The following EML4 variants were observed in gnomAD, a reference collection of about 807,000 sequenced individuals.
The protein encoded by EML4 is EMAP like 4.
In EML4, 72 loss-of-function variants were observed where a neutral mutation model predicts 129.0. The observed-to-expected ratio is 0.56, with a 90% CI of 0.46 to 0.68. The LOEUF is 0.68. Among genes scored for constraint, EML4 ranks in the 30% least tolerant of loss-of-function variants. The probability of loss-of-function intolerance (pLI) is 0.00; values close to 1 mark genes in which losing one functional copy is unlikely to be tolerated. For missense variants in EML4, 1,363 were observed against 1,190.6 expected (o/e 1.14, Z -2.13); for synonymous variants, 532 against 405.0 (o/e 1.31, Z -3.77).
At chr2:42,191,560 T>C (rs1417941547) in intron 1 of EML4, among the ~76,000 whole-genome samples, 1 of 152,162 alleles carries the variant, frequency 6.6e-6, no homozygotes, top group Non-Finnish European at 1.5e-5. Flanking sequence ...GTGGATAGTT[T>C]CTCAAATGAA....
intron 19 of EML4, among the ~76,000 whole-genome samples, chr2:42,321,388 TA>T (rs954913581): frequency 1.4e-4 from 21 of 150,144 alleles, no homozygotes; most frequent in Non-Finnish European, 3.0e-4. Flanking sequence ...TCTGAAAAAA[TA>T]AAAAAAAAGT....
chr2:42,257,525 C>A (rs191237252), intron 3 of EML4, among the ~76,000 whole-genome samples: 1 of 152,254 alleles, frequency 6.6e-6, no homozygotes, highest in Admixed American at 6.5e-5. Context: ...ATACCAAGAT[C>A]TTCAGCCCTT....
At chr2:42,259,883 C>G (rs1275792167) in intron 3 of EML4, among the ~76,000 whole-genome samples, 1 of 151,736 alleles carries the variant, frequency 6.6e-6, no homozygotes, top group Non-Finnish European at 1.5e-5. Flanking sequence ...GCGCCCACCA[C>G]CACACCCAGC....
intron 1 of EML4, among the ~76,000 whole-genome samples, chr2:42,177,581 C>G (rs866524759): frequency 1.3e-5 from 2 of 152,132 alleles, no homozygotes; most frequent in Admixed American, 6.5e-5. Flanking sequence ...GCAGATCACA[C>G]TACTGGGCTC....
Position 42,329,958 on chromosome 2 carries a change from A to G in EML4, c.2697A>G (p.Thr899=). The change falls in exon 23 of 23, where the codon ACA becomes ACG. Residue 899 remains threonine, a synonymous_variant. Transcript: ENST00000318522. Reference sequence around the variant, plus strand: ...GTGTCATCCAATCTAATACTCCCACACCGCCTCCTTCTCAGCCCTTAAATG... The same window carrying G: ...GTGTCATCCAATCTAATACTCCCACGCCGCCTCCTTCTCAGCCCTTAAATG... ...TESVIQSNTP[T]PPPSQPLNET... is the part of the protein sequence containing the mutation. 6.2e-7 allele frequency: 1 copy of G among 1,613,804 alleles called. No individual in the cohort carries two copies. The highest frequency in any genetic ancestry group is 8.5e-7 in the Non-Finnish European group (1 of 1,179,982).
At chr2:42,185,458 A>G (rs1671194580) in intron 1 of EML4, among the ~76,000 whole-genome samples, 1 of 152,194 alleles carries the variant, frequency 6.6e-6, no homozygotes, top group African/African-American at 2.4e-5. Flanking sequence ...CTGGTTTTTC[A>G]TAGAAAAAAG....
chr2:42,262,715 G>T (rs1317586084), intron 4 of EML4, among the ~76,000 whole-genome samples: 1 of 152,076 alleles, frequency 6.6e-6, no homozygotes, highest in East Asian at 1.9e-4. Context: ...TGTCCCTAAA[G>T]ATATAAACAA....
At chr2:42,209,073 A>G (rs1212734164) in intron 1 of EML4, among the ~76,000 whole-genome samples, 1 of 152,182 alleles carries the variant, frequency 6.6e-6, no homozygotes, top group Admixed American at 6.5e-5. Flanking sequence ...AAAATAAAGT[A>G]TTTAAACTGC....
At chr2:42,180,497 T>G (rs953036398) in intron 1 of EML4, among the ~76,000 whole-genome samples, 2 of 152,186 alleles carry the variant, frequency 1.3e-5, no homozygotes, top group Non-Finnish European at 2.9e-5. Flanking sequence ...GTGCCCTCAG[T>G]CCCTACCTTA....
intron 1 of EML4, among the ~76,000 whole-genome samples, chr2:42,185,853 G>C (rs1170311453): frequency 6.6e-6 from 1 of 152,144 alleles, no homozygotes; most frequent in South Asian, 2.1e-4. Flanking sequence ...TAATCTAGGA[G>C]AGACATGAAG....
intron 1 of EML4, among the ~76,000 whole-genome samples, chr2:42,241,952 C>A (rs1014331896): frequency 2.6e-5 from 4 of 151,904 alleles, no homozygotes; most frequent in African/African-American, 9.7e-5. Flanking sequence ...ATATGTTATG[C>A]CCTTTGAAAA....
intron 6 of EML4, 107 bp downstream of exon 6, chr2:42,264,838 C>A: frequency 2.8e-6 from 4 of 1,443,582 alleles, no homozygotes; most frequent in South Asian, 1.2e-5. Flanking sequence ...TCATAGTAAT[C>A]AAAGAAAAGT....
intron 17 of EML4, among the ~76,000 whole-genome samples, chr2:42,313,329 C>T (rs1307283044): frequency 1.3e-5 from 2 of 152,148 alleles, no homozygotes. Context: ...CTATGCTGTG[C>T]CTCGACCACC....
rs116121966 is a variant in EML4, at chr2:42,320,436, C to T, written c.2154+2912C>T. 2.7e-3 allele frequency among the ~76,000 whole-genome samples: 405 copies of T among 152,158 alleles called. 1 individual carries two copies. The highest frequency in any genetic ancestry group is 8.3e-3 in the African/African-American group (343 of 41,508). Reference sequence around the variant, plus strand: ...AAGTAACTTCAGAAAAGTTACTTAACCTATCTATGCATCCTAACCATCTCA... The same window carrying T: ...AAGTAACTTCAGAAAAGTTACTTAATCTATCTATGCATCCTAACCATCTCA... On this transcript the variant is annotated intron_variant, in intron 19 of 22. Coordinates refer to ENST00000318522, the MANE Select transcript of EML4 (RefSeq NM_019063.5).
Position 42,264,103 on chromosome 2 carries a change from G to GTTTTTTTTTTTTTTTTTTTTTTTTTT in EML4, c.642-602_642-577dup, listed in dbSNP as rs9309080. Among the ~76,000 whole-genome samples, 8 of 100,748 alleles carry GTTTTTTTTTTTTTTTTTTTTTTTTTT rather than the reference G, an allele frequency of 7.9e-5. 2 individuals carry two copies. The highest frequency in any genetic ancestry group is 7.8e-5 in the Non-Finnish European group (4 of 51,220). The allele number at this position is 100,748 out of a possible 152,430, so 66.1% of individuals were successfully genotyped here. A position where few individuals can be genotyped will look rare whatever the true frequency, so the allele number is the denominator to read the frequency against. ...AAGGCTCCCAACTCAAACAATACGT[G>GTTTTTTTTTTTTTTTTTTTTTTTTTT]TTTTTTTTTTTTTTTTTTTTTTTTT... On this transcript the variant is annotated intron_variant, in intron 5 of 22. Coordinates refer to ENST00000318522, the MANE Select transcript of EML4 (RefSeq NM_019063.5).
intron 1 of EML4, among the ~76,000 whole-genome samples, chr2:42,200,398 C>T (rs1052558507): frequency 7.2e-5 from 11 of 152,146 alleles, no homozygotes; most frequent in African/African-American, 2.7e-4. Flanking sequence ...ATGGCCTTTG[C>T]TCCACATGTG....
chr2:42,325,463 C>G lies in EML4; in HGVS notation c.2155-4C>G, dbSNP rs186464897. ...TTTCTAACAATTTATCTGTTATTTT[C>G]TAGGGACATTCCAGCTACATCACAC... On this transcript the variant is annotated splice_polypyrimidine_tract_variant and splice_region_variant and intron_variant, in intron 19 of 22. Transcript: ENST00000318522. 5.8e-3 allele frequency: 8,533 copies of G among 1,478,164 alleles called. 22 individuals are homozygous for G. The highest frequency in any genetic ancestry group is 6.7e-3 in the Non-Finnish European group (7,103 of 1,062,966). The allele number at this position is 1,478,164 out of a possible 1,614,324, so 91.6% of individuals were successfully genotyped here.
In EML4 at chr2:42,190,134, A is replaced by T. The variant is rs576314820; in HGVS notation, c.25+20498A>T. On this transcript the variant is annotated intron_variant, in intron 1 of 22. Coordinates refer to ENST00000318522, the MANE Select transcript of EML4 (RefSeq NM_019063.5). ...ATTCCTTGAGAAAATTATTTTAAGA[A>T]TTAAAGATGTTCTTGTCAGGATGAT... 2.6e-5 allele frequency among the ~76,000 whole-genome samples: 4 copies of T among 152,326 alleles called. No homozygotes were observed. The East Asian group carries it at 7.7e-4, about 29-fold the overall frequency.
intron 1 of EML4, chr2:42,207,806 C>G (rs568178416): frequency 6.6e-6 from 1 of 152,116 alleles, no homozygotes; most frequent in Non-Finnish European, 1.5e-5. Flanking sequence ...ATATTAAATG[C>G]GAATTCACCT....
Sources: allele counts gnomAD v4.1 joint callset (sites outside exome capture counted in the v4.1 genomes callset), GRCh38; gene constraint gnomAD v4.1.1; transcripts MANE v1.5; gene names NCBI Gene and HGNC (gene_info 2026-07-23, HGNC 2026-07-21).